The following ZNF362 variants were observed in gnomAD, a reference collection of about 807,000 sequenced individuals.
ZNF362 encodes rotund homolog.
ZNF362 carries 11 observed loss-of-function variants against 42.9 expected under a neutral mutation model. The ratio of observed to expected loss-of-function variants is 0.26; its 90% CI spans 0.16 to 0.42. The LOEUF (loss-of-function observed/expected upper bound fraction) is 0.42, where lower values mean the gene tolerates loss of function less well. Among genes scored for constraint, ZNF362 ranks in the 20% least tolerant of loss-of-function variants. The pLI is 1.00. For missense variants in ZNF362, 362 were observed against 576.2 expected (o/e 0.63, Z 3.81); for synonymous variants, 255 against 257.3 (o/e 0.99, Z 0.09).
At chr1:33,181,029 A>G in the ZNF362 span, 1 of 1,353,122 alleles carries the variant, frequency 7.4e-7, no homozygotes, top group Non-Finnish European at 9.7e-7. The surrounding 1 kb of genome is among the most constrained non-coding windows in gnomAD (Gnocchi z 6.5). Flanking sequence ...GCGCACCTGC[A>G]GCTCGTCGAA....
chr1:33,290,427 T>C (rs1208575908), intron 6 of ZNF362, among the ~76,000 whole-genome samples: 1 of 151,974 alleles, frequency 6.6e-6, no homozygotes, highest in Non-Finnish European at 1.5e-5. Context: ...TATTCCATGG[T>C]GTATATGTGC....
upstream of ZNF362, among the ~76,000 whole-genome samples, chr1:33,253,933 T>G (rs1442999095): frequency 5.3e-5 from 8 of 152,206 alleles, no homozygotes; most frequent in African/African-American, 1.9e-4. Context: ...ATAGAAAAAT[T>G]GAGATGATAT....
intron 6 of ZNF362, among the ~76,000 whole-genome samples, chr1:33,293,863 G>A (rs1468188075): frequency 2.0e-5 from 3 of 152,176 alleles, no homozygotes; most frequent in Non-Finnish European, 4.4e-5. Context: ...CTGTTGGGCA[G>A]GTACAGGGTC....
Position 33,281,542 on chromosome 1 carries a change from C to T in ZNF362, c.684-45C>T. On this transcript the variant is annotated intron_variant, in intron 5 of 8. Coordinates refer to ENST00000539719, the MANE Select transcript of ZNF362 (RefSeq NM_152493.3). This position sits in a 1 kb window ranked among gnomAD's most constrained non-coding sequence, Gnocchi z 4.8. ...TGTAGAAGGCCTCCCCTGAGATGGACAGTCTGGGGGATCTTCCCACGTGAA... is the reference window on the plus strand; with the variant it reads ...TGTAGAAGGCCTCCCCTGAGATGGATAGTCTGGGGGATCTTCCCACGTGAA... The T allele has an allele frequency of 6.3e-7, 1 of 1,594,006 alleles. No individual in the cohort carries two copies.
the ZNF362 span, among the ~76,000 whole-genome samples, chr1:33,156,257 A>T: frequency 6.6e-6 from 1 of 152,200 alleles, no homozygotes; most frequent in Non-Finnish European, 1.5e-5. Context: ...CAGCACTGCC[A>T]CACTCTCTCT....
chr1:33,279,861 A>G (rs1645978388), intron 4 of ZNF362, among the ~76,000 whole-genome samples: 1 of 152,204 alleles, frequency 6.6e-6, no homozygotes, highest in African/African-American at 2.4e-5. Context: ...GCTGTTATAA[A>G]TAAGACGGCA....
intron 1 of ZNF362, among the ~76,000 whole-genome samples, chr1:33,258,787 T>C (rs760300787): frequency 1.3e-5 from 2 of 152,142 alleles, no homozygotes; most frequent in African/African-American, 2.4e-5. Context: ...CACAGTATGG[T>C]GTGGTGATTA....
chr1:33,255,372 C>T (rs565130355), upstream of ZNF362, among the ~76,000 whole-genome samples: 187 of 152,320 alleles, frequency 1.2e-3, 1 homozygote, highest in African/African-American at 4.4e-3. Context: ...GTGCCCTTCC[C>T]GGGGGACTGT....
At chr1:33,213,725 G>A in the ZNF362 span, among the ~76,000 whole-genome samples, 2 of 151,998 alleles carry the variant, frequency 1.3e-5, no homozygotes. Flanking sequence ...TGTGCCTGTA[G>A]TCCCAGCTAC....
At chr1:33,223,891 C>T in the ZNF362 span, among the ~76,000 whole-genome samples, 1 of 129,900 alleles carries the variant, frequency 7.7e-6, no homozygotes, top group African/African-American at 2.7e-5. Context: ...GAAACTCCAT[C>T]TCAAAAAAAA....
At chr1:33,182,305 TAAAC>T in the ZNF362 span, among the ~76,000 whole-genome samples, 1 of 152,120 alleles carries the variant, frequency 6.6e-6, no homozygotes, top group Non-Finnish European at 1.5e-5. Context: ...GCACAACAAA[TAAAC>T]AAGGAGCATC....
chr1:33,206,474 C>G, the ZNF362 span, among the ~76,000 whole-genome samples: 1 of 152,022 alleles, frequency 6.6e-6, no homozygotes, highest in African/African-American at 2.4e-5. Flanking sequence ...TGATATGAAC[C>G]TGTAGTCTCA....
chr1:33,256,338 G>T (rs1181373945), upstream of ZNF362, among the ~76,000 whole-genome samples: 3 of 144,220 alleles, frequency 2.1e-5, no homozygotes, highest in Admixed American at 6.8e-5. Context: ...GGGGCCGGAC[G>T]GGCTGCGCAG....
chr1:33,176,645 G>A, the ZNF362 span: 1 of 472,826 alleles, frequency 2.1e-6, no homozygotes, highest in South Asian at 3.5e-5. Context: ...GCCTAGCCCT[G>A]TCAATACAGG....
intron 1 of ZNF362, among the ~76,000 whole-genome samples, chr1:33,265,647 A>C (rs1645860259): frequency 6.6e-6 from 1 of 151,982 alleles, no homozygotes; most frequent in South Asian, 2.1e-4. Flanking sequence ...CATGGGAGGC[A>C]AACTTTGAGC....
At chr1:33,198,939 C>A in the ZNF362 span, among the ~76,000 whole-genome samples, 3 of 151,996 alleles carry the variant, frequency 2.0e-5, no homozygotes, top group Non-Finnish European at 4.4e-5. Flanking sequence ...TGCAGAAGAA[C>A]AGATTTGTAA....
the ZNF362 span, among the ~76,000 whole-genome samples, chr1:33,240,722 C>G: frequency 6.6e-6 from 1 of 152,110 alleles, no homozygotes; most frequent in Non-Finnish European, 1.5e-5. Flanking sequence ...CGTCATATCC[C>G]ATATCCCTGT....
At chr1:33,286,678 C>G (rs948350402) in intron 6 of ZNF362, among the ~76,000 whole-genome samples, 1 of 152,142 alleles carries the variant, frequency 6.6e-6, no homozygotes, top group Non-Finnish European at 1.5e-5. Context: ...GTCCCACATG[C>G]CCAGAACTCC....
the ZNF362 span, among the ~76,000 whole-genome samples, chr1:33,182,246 C>A: frequency 6.6e-6 from 1 of 152,172 alleles, no homozygotes; most frequent in Admixed American, 6.5e-5. Flanking sequence ...GAACTGCATC[C>A]AGGTCTCGCT....
Sources: allele counts gnomAD v4.1 joint callset (sites outside exome capture counted in the v4.1 genomes callset), GRCh38; gene constraint gnomAD v4.1.1; non-coding constraint Gnocchi (gnomAD v3.1); transcripts MANE v1.5; gene names NCBI Gene and HGNC (gene_info 2026-07-23, HGNC 2026-07-21).